MGAT5: variants seen among roughly 807,000 people sequenced by gnomAD.
The protein encoded by MGAT5 is alpha-1,6-mannosylglycoprotein 6-beta-N-acetylglucosaminyltransferase.
MGAT5 carries 30 observed loss-of-function variants against 94.3 expected under a neutral mutation model. That is an observed-to-expected ratio of 0.32 (90% CI 0.24 to 0.43). The LOEUF (loss-of-function observed/expected upper bound fraction) is 0.43, where lower values mean the gene tolerates loss of function less well. MGAT5 is among the 20% of genes least tolerant of loss of function. The pLI, the probability that MGAT5 is intolerant of heterozygous loss-of-function variation, is 1.00. For missense variants in MGAT5, 691 were observed against 905.5 expected (o/e 0.76, Z 3.04); for synonymous variants, 310 against 322.9 (o/e 0.96, Z 0.43).
At chr2:134,446,392 G>A (rs1001505934) in intron 15 of MGAT5, among the ~76,000 whole-genome samples, 2 of 151,902 alleles carry the variant, frequency 1.3e-5, no homozygotes, top group South Asian at 2.1e-4. Context: ...GCAGTGTGCC[G>A]GCAGATGGTT....
chr2:134,434,237 A>G (rs1211118702), intron 14 of MGAT5, among the ~76,000 whole-genome samples: 1 of 152,174 alleles, frequency 6.6e-6, no homozygotes, highest in South Asian at 2.1e-4. Context: ...CCAGGCTGCT[A>G]ATTAATTAGC....
Position 134,442,012 on chromosome 2 carries a change from T to C in MGAT5, c.2027+97T>C, listed in dbSNP as rs1685513440. 9.4e-6 allele frequency: 13 copies of C among 1,382,650 alleles called. 1 individual carries two copies. The highest frequency in any genetic ancestry group is 1.3e-5 in the Non-Finnish European group (13 of 993,814). 85.6% of individuals were successfully genotyped at this position (1,382,650 alleles called of 1,614,324 possible). ...GAGGTACAGGTTTCCTCTTCCAAGC[T>C]ACTGGGCTGTGGGGATAAGGTGTGG... is the stretch of plus-strand genomic sequence containing the variant. On this transcript the variant is annotated intron_variant, in intron 15 of 15. Transcript: ENST00000281923.
intron 4 of MGAT5, 76 bp downstream of exon 4, chr2:134,318,815 A>T: frequency 9.6e-7 from 1 of 1,039,924 alleles, no homozygotes; most frequent in Non-Finnish European, 1.5e-6. Flanking sequence ...GAAATTTGAA[A>T]AGCTTGAAAA....
intron 2 of MGAT5, among the ~76,000 whole-genome samples, chr2:134,275,638 C>CAGTGGCACTATCACAGCT (rs1684314126): frequency 1.5e-5 from 2 of 133,838 alleles, no homozygotes; most frequent in Admixed American, 1.7e-4. Context: ...GGCCAGAATG[C>CAGTGGCACTATCACAGCT]AGTGGCACTA....
rs140924655 is a variant in MGAT5, at chr2:134,160,576, T to C, written c.-143+40285T>C. ...TTAAGGATTGGGTGCGGGTATTGTA[T>C]GAACACATCTGGTCCTCCACTTCCC... On this transcript the variant is annotated intron_variant, in intron 1 of 16. Transcript: ENST00000409645. Among the ~76,000 whole-genome samples the C allele has an allele frequency of 3.3e-5, 5 of 152,292 alleles. 1 individual carries two copies. In the Middle Eastern group the frequency reaches 0.01, roughly 311 times the overall value.
At chr2:134,229,153 T>A (rs547529254) in intron 1 of MGAT5, among the ~76,000 whole-genome samples, 28 of 152,142 alleles carry the variant, frequency 1.8e-4, no homozygotes, top group African/African-American at 6.0e-4. Context: ...ACAAAAAAAA[T>A]ATCAGGAAAA....
chr2:134,364,865 T>G (rs1379143616), intron 10 of MGAT5, among the ~76,000 whole-genome samples: 2 of 152,242 alleles, frequency 1.3e-5, no homozygotes, highest in Non-Finnish European at 2.9e-5. Flanking sequence ...TTTCCAAAGC[T>G]TGTGCGTCCT....
At chr2:134,120,878 C>A (rs2104858257) in intron 1 of MGAT5, among the ~76,000 whole-genome samples, 1 of 151,956 alleles carries the variant, frequency 6.6e-6, no homozygotes, top group Admixed American at 6.5e-5. Flanking sequence ...CCAGGAGGCC[C>A]GGGGGCGCCC....
intron 11 of MGAT5, among the ~76,000 whole-genome samples, chr2:134,407,942 T>C (rs1683435685): frequency 1.3e-5 from 2 of 152,214 alleles, no homozygotes; most frequent in African/African-American, 4.8e-5. Flanking sequence ...GATGCACCTG[T>C]CTATGGGATT....
intron 1 of MGAT5, among the ~76,000 whole-genome samples, chr2:134,261,193 A>G (rs1362845874): frequency 3.3e-5 from 5 of 152,176 alleles, no homozygotes; most frequent in Non-Finnish European, 7.4e-5. Flanking sequence ...GAGGGATTGC[A>G]CGCACATGTG....
In MGAT5 at chr2:134,362,304, T is replaced by C; in HGVS notation, c.1276T>C (p.Phe426Leu). ...PHTPDNSFLG[F>L]VVEQHLNSSD... is the part of the protein sequence containing the mutation. ...TACCCCAGACAACAGCTTTCTGGGG[T>C]TTGTGGTTGAGCAGCACCTGAACTC... Residue 426 changes from phenylalanine to leucine, a missense_variant, in exon 10 of 16, where the codon TTT becomes CTT. By Grantham distance (22) the Phe-to-Leu change is conservative. Coordinates refer to ENST00000281923, the MANE Select transcript of MGAT5 (RefSeq NM_002410.5). The C allele has an allele frequency of 6.2e-7, 1 of 1,614,016 alleles. No individual in the cohort carries two copies. The highest frequency in any genetic ancestry group is 1.7e-5 in the Admixed American group (1 of 60,020).
At chr2:134,336,533 G>C (rs1371130) in intron 5 of MGAT5, among the ~76,000 whole-genome samples, 147,252 of 152,192 alleles carry the variant, frequency 0.97, 71,322 homozygotes, top group East Asian at 1. Context: ...GACCTGGTAC[G>C]AGCTGTGGAG....
chr2:134,376,964 T>G (rs530044138), intron 10 of MGAT5, among the ~76,000 whole-genome samples: 1 of 152,332 alleles, frequency 6.6e-6, no homozygotes, highest in East Asian at 1.9e-4. Context: ...TTCACCTACC[T>G]AAACCATGTT....
chr2:134,121,138 T>C (rs1465738482), intron 1 of MGAT5, among the ~76,000 whole-genome samples: 3 of 152,128 alleles, frequency 2.0e-5, no homozygotes. Flanking sequence ...TGTGGCTCTT[T>C]CGCGCCCCTG....
At chr2:134,204,325 A>G (rs1679932137) in intron 1 of MGAT5, among the ~76,000 whole-genome samples, 1 of 152,170 alleles carries the variant, frequency 6.6e-6, no homozygotes, top group African/African-American at 2.4e-5. Context: ...GAGAAATTCT[A>G]ATTTCTGCCT....
chr2:134,297,274 A>G (rs191354452), intron 2 of MGAT5, among the ~76,000 whole-genome samples: 3 of 152,068 alleles, frequency 2.0e-5, no homozygotes, highest in African/African-American at 7.2e-5. Flanking sequence ...CTTTTCCTAC[A>G]AAGAAAAACC....
chr2:134,165,569 A>C (rs927316953), intron 1 of MGAT5, among the ~76,000 whole-genome samples: 2 of 152,048 alleles, frequency 1.3e-5, no homozygotes, highest in African/African-American at 4.8e-5. Context: ...AGGTCAGGAG[A>C]TCGACACCAT....
intron 15 of MGAT5, among the ~76,000 whole-genome samples, chr2:134,444,292 C>T (rs1685655613): frequency 1.3e-5 from 2 of 152,178 alleles, no homozygotes; most frequent in African/African-American, 2.4e-5. Flanking sequence ...GCAGAGTTCA[C>T]GAGAGCAAAA....
At chr2:134,441,966 C>T in intron 15 of MGAT5, 51 bp downstream of exon 15, 1 of 1,589,662 alleles carries the variant, frequency 6.3e-7, no homozygotes, top group Non-Finnish European at 8.6e-7. Flanking sequence ...CTCCAGCTGG[C>T]CTTGTTGGGT....
Sources: allele counts gnomAD v4.1 joint callset (sites outside exome capture counted in the v4.1 genomes callset), GRCh38; gene constraint gnomAD v4.1.1; transcripts MANE v1.5; gene names NCBI Gene and HGNC (gene_info 2026-07-23, HGNC 2026-07-21).